NUP98: variants seen among roughly 807,000 people sequenced by gnomAD.
NUP98 encodes nucleoporin 98 and 96 precursor.
A neutral mutation model predicts 191.9 loss-of-function variants in NUP98; 26 were observed. That is an observed-to-expected ratio of 0.14 (90% CI 0.10 to 0.19). The LOEUF is 0.19. Ranked by LOEUF, NUP98 falls within the 10% of genes least tolerant of loss-of-function variation. NUP98 has a pLI of 1.00. For missense variants in NUP98, 1,941 were observed against 2,178.8 expected, an observed-to-expected ratio of 0.89 and a Z score of 2.17; for synonymous variants, 808 against 778.4, an observed-to-expected ratio of 1.04 and a Z score of -0.63.
chr11:3,740,516 C>CA (rs747869167), intron 12 of NUP98, among the ~76,000 whole-genome samples: 9,293 of 128,600 alleles, frequency 0.072, 312 homozygotes, highest in Middle Eastern at 0.12. Context: ...GACTCTGTCT[C>CA]AAAAAAAAAA....
At chr11:3,766,580 G>A (rs2081346385) in intron 8 of NUP98, among the ~76,000 whole-genome samples, 1 of 151,058 alleles carries the variant, frequency 6.6e-6, no homozygotes, top group Non-Finnish European at 1.5e-5. Context: ...TCCCAGCTAT[G>A]TGGGAGGCTA....
intron 16 of NUP98, 21 bp from the exon 17 acceptor site, chr11:3,720,846 A>C: frequency 1.0e-6 from 1 of 968,840 alleles, no homozygotes; most frequent in South Asian, 1.4e-5. Flanking sequence ...AAAAAAAAAA[A>C]AAACAGAAAA....
intron 29 of NUP98, 60 bp downstream of exon 29, chr11:3,685,913 C>G: frequency 7.6e-7 from 1 of 1,311,856 alleles, no homozygotes; most frequent in Non-Finnish European, 1.1e-6. Context: ...AAGACTGATT[C>G]CTTTGGAATT....
Position 3,702,634 on chromosome 11 carries a change from A to G in NUP98, c.3341T>C (p.Leu1114Pro). ...CATGAATAGGGCCATGTCCATCAAG[A>G]GTTTTCCCTTGCCATAGGTGACAGA... The part of the protein sequence containing the change: ...EKSVTYGKGK[L>P]LMDMALFMGR... The change falls in exon 23 of 33, where the codon CTC (leucine) becomes CCC (proline). Residue 1114 changes from leucine to proline, a missense_variant. By Grantham distance (98) the Leu-to-Pro change is moderately conservative. This residue lies in a region of NUP98 where 1,030 missense variants were observed against 1,115.8 expected (regional missense o/e 0.92). Transcript: ENST00000324932. The G allele has an allele frequency of 6.2e-7, 1 of 1,614,108 alleles. No homozygotes were observed. Among genetic ancestry groups the G allele is most frequent in the Non-Finnish European group, 8.5e-7 (1 of 1,180,032 alleles).
chr11:3,748,427 A>G (rs2080592606), intron 11 of NUP98, among the ~76,000 whole-genome samples: 1 of 152,172 alleles, frequency 6.6e-6, no homozygotes, highest in Admixed American at 6.6e-5. Context: ...AGGTTGAGGC[A>G]CAAGAATTGC....
At chr11:3,714,023 C>T in intron 18 of NUP98, 28 bp from the exon 19 acceptor site, 3 of 1,607,730 alleles carry the variant, frequency 1.9e-6, no homozygotes, top group Non-Finnish European at 2.5e-6. Context: ...TTAAAGTAAC[C>T]AATTAAAGTA....
intron 19 of NUP98, among the ~76,000 whole-genome samples, chr11:3,713,595 T>C (rs1364710972): frequency 6.6e-6 from 1 of 152,116 alleles, no homozygotes; most frequent in Non-Finnish European, 1.5e-5. Flanking sequence ...AGTGCATGCC[T>C]ATAATCCCAG....
intron 1 of NUP98, among the ~76,000 whole-genome samples, chr11:3,795,314 T>G (rs1012655832): frequency 6.6e-6 from 1 of 152,070 alleles, no homozygotes; most frequent in Admixed American, 6.6e-5. Context: ...GGTATGGTGG[T>G]GCACACCTGT....
At chr11:3,757,805 G>T (rs1000833108) in intron 10 of NUP98, among the ~76,000 whole-genome samples, 2 of 151,652 alleles carry the variant, frequency 1.3e-5, no homozygotes, top group East Asian at 3.9e-4. Flanking sequence ...GTCTCAAAAA[G>T]AAAGAAAAGA....
chr11:3,753,185 TA>T, intron 11 of NUP98, 130 bp downstream of exon 11: 2 of 750,140 alleles, frequency 2.7e-6, no homozygotes, highest in Non-Finnish European at 4.5e-6. Context: ...GAATGTCTTA[TA>T]AACGCAACTG....
intron 8 of NUP98, among the ~76,000 whole-genome samples, chr11:3,764,898 A>G (rs1470288450): frequency 2.6e-5 from 4 of 152,094 alleles, no homozygotes; most frequent in Non-Finnish European, 5.9e-5. Flanking sequence ...TTTTTATTGT[A>G]TCTTTCAAAT....
chr11:3,768,464 C>T, intron 8 of NUP98, 117 bp downstream of exon 8: 1 of 826,700 alleles, frequency 1.2e-6, no homozygotes, highest in Non-Finnish European at 1.7e-6. Context: ...TCATTAAATA[C>T]CCTCAACTCT....
At chr11:3,737,322 A>AT (rs1491151832) in intron 12 of NUP98, among the ~76,000 whole-genome samples, 1 of 23,046 alleles carries the variant, frequency 4.3e-5, no homozygotes, top group Non-Finnish European at 9.6e-5. Flanking sequence ...CAGTAATAAC[A>AT]AAAAAAAAAA....
At chr11:3,688,928 T>G (rs1463533264) in intron 28 of NUP98, among the ~76,000 whole-genome samples, 1 of 150,964 alleles carries the variant, frequency 6.6e-6, no homozygotes, top group African/African-American at 2.4e-5. Flanking sequence ...TAAGTATTTC[T>G]AAGGTAATGT....
intron 26 of NUP98, 35 bp downstream of exon 26, chr11:3,695,408 AAAAAAC>A (rs770377058): frequency 2.7e-5 from 40 of 1,472,534 alleles, no homozygotes; most frequent in Non-Finnish European, 3.4e-5. Flanking sequence ...TCAATTTATG[AAAAAAC>A]CAATGTGAGA....
At chr11:3,707,024 A>G (rs2078882117) in intron 20 of NUP98, among the ~76,000 whole-genome samples, 1 of 152,102 alleles carries the variant, frequency 6.6e-6, no homozygotes, top group Non-Finnish European at 1.5e-5. Flanking sequence ...AAAAGAACAA[A>G]AGGTACAAAT....
At chr11:3,796,860 T>C (rs1471440000) in intron 1 of NUP98, among the ~76,000 whole-genome samples, 2 of 152,222 alleles carry the variant, frequency 1.3e-5, no homozygotes, top group African/African-American at 4.8e-5. Flanking sequence ...GGCTTTACAC[T>C]GAACACGTGG....
chr11:3,782,130 T>C lies in NUP98; in HGVS notation c.-13A>G. The C allele has an allele frequency of 6.3e-7, 1 of 1,593,580 alleles. No homozygotes were observed. Among genetic ancestry groups the C allele is most frequent in the South Asian group, 1.1e-5 (1 of 88,894 alleles). ...ATTTGTTAAACATCTTCAAAATGAG[T>C]CTTTGTTTCAGAAAGCTGGGAAAAA... On this transcript the variant is annotated 5_prime_UTR_variant, in exon 2 of 33. Coordinates refer to ENST00000324932, the MANE Select transcript of NUP98 (RefSeq NM_016320.5).
intron 21 of NUP98, among the ~76,000 whole-genome samples, chr11:3,706,207 G>C (rs887008631): frequency 1.3e-5 from 2 of 151,942 alleles, no homozygotes; most frequent in African/African-American, 4.8e-5. Context: ...ATTGGAACTA[G>C]GACTCTGGAT....
Sources: gnomAD v4.1 joint callset for allele counts (sites outside exome capture counted in the v4.1 genomes callset) on GRCh38, gnomAD v4.1.1 for gene constraint, gnomAD v4.1.1 regional missense constraint, MANE v1.5 for transcripts, NCBI Gene and HGNC (gene_info 2026-07-23, HGNC 2026-07-21) for gene names.